SVEP1: variants seen among roughly 807,000 people sequenced by gnomAD.
The protein encoded by SVEP1 is sushi, von Willebrand factor type A, EGF and pentraxin domain containing 1.
In SVEP1, 164 loss-of-function variants were observed where a neutral mutation model predicts 367.3. The ratio of observed to expected loss-of-function variants is 0.45; its 90% CI spans 0.39 to 0.51. SVEP1 has a LOEUF of 0.51. SVEP1 is among the 20% of genes least tolerant of loss of function. SVEP1 has a pLI of 0.00. For synonymous variants in SVEP1, 1,666 were observed against 1,611.6 expected, an observed-to-expected ratio of 1.03 and a Z score of -0.81; for missense variants, 4,117 against 4,425.3, an observed-to-expected ratio of 0.93 and a Z score of 1.98.
chr9:110,377,385 G>A lies in SVEP1; in HGVS notation c.10409-19C>T. 1 of 1,609,834 alleles carries A rather than the reference G, an allele frequency of 6.2e-7. No individual in the cohort carries two copies. The highest frequency in any genetic ancestry group is 8.5e-7 in the Non-Finnish European group (1 of 1,176,286). On this transcript the variant is annotated intron_variant, in intron 44 of 47. Coordinates refer to ENST00000374469, the MANE Select transcript of SVEP1 (RefSeq NM_153366.4). Reference sequence around the variant, plus strand: ...CAGACAGCTGGAAAAGAAGCAGGATGGGTCACAAATGTAGGGAATTATGAA... The same window carrying A: ...CAGACAGCTGGAAAAGAAGCAGGATAGGTCACAAATGTAGGGAATTATGAA...
chr9:110,499,010 G>T (rs1163816322), intron 7 of SVEP1, 31 bp downstream of exon 7: 3 of 1,584,082 alleles, frequency 1.9e-6, no homozygotes, highest in South Asian at 2.3e-5. Context: ...TAAAAAATTT[G>T]ATTTTTAGCC....
rs779654262 is a variant in SVEP1, at chr9:110,579,356, C to G, written c.188G>C (p.Arg63Pro). The G allele has an allele frequency of 6.4e-7, 1 of 1,555,700 alleles. No homozygotes were observed. The highest frequency in any genetic ancestry group is 1.9e-5 in the Admixed American group (1 of 51,678). Residue 63 changes from arginine (R) to proline (P), a missense_variant, in exon 1 of 48, where the codon CGG (arginine) becomes CCG (proline). Arg to Pro is a moderately radical substitution (Grantham distance 103, BLOSUM62 -2). Transcript: ENST00000374469. The surrounding 1 kb of genome is among the most constrained non-coding windows in gnomAD (Gnocchi z 5.3). The part of the protein sequence containing the change: ...GDEAAGSRVE[R>P]LGQAFRRRVR... ...GCGTCGCCGGAACGCCTGGCCCAGC[C>G]GCTCCACTCTGCTCCCCGCCGCTTC...
intron 3 of SVEP1, among the ~76,000 whole-genome samples, chr9:110,531,395 G>A (rs1830016611): frequency 6.6e-6 from 1 of 152,146 alleles, no homozygotes; most frequent in South Asian, 2.1e-4. Flanking sequence ...TCATGGGAAG[G>A]ACCCAGAGGA....
At chr9:110,559,520 T>C (rs868466369) in intron 1 of SVEP1, among the ~76,000 whole-genome samples, 2 of 151,924 alleles carry the variant, frequency 1.3e-5, no homozygotes, top group South Asian at 4.1e-4. Flanking sequence ...ATAGTAACAC[T>C]GTTTTTTTTT....
At chr9:110,427,302 CAAAAAAAAAAAA>C (rs61616981) in intron 36 of SVEP1, among the ~76,000 whole-genome samples, 1 of 81,936 alleles carries the variant, frequency 1.2e-5, no homozygotes, top group Non-Finnish European at 2.3e-5. Context: ...GACTCTGTCT[CAAAAAAAAAAAA>C]AAAAAAAAAA....
intron 36 of SVEP1, among the ~76,000 whole-genome samples, chr9:110,423,492 G>A (rs1209126510): frequency 6.6e-6 from 1 of 152,138 alleles, no homozygotes; most frequent in Non-Finnish European, 1.5e-5. Flanking sequence ...GGTACATAGT[G>A]ATAAGACATT....
intron 22 of SVEP1, among the ~76,000 whole-genome samples, chr9:110,454,570 A>G (rs922757810): frequency 2.0e-5 from 3 of 152,232 alleles, no homozygotes; most frequent in Non-Finnish European, 4.4e-5. Flanking sequence ...GTGCCCATCA[A>G]TGGTGGATTA....
In SVEP1 at chr9:110,579,500, A is replaced by G. The variant is rs768965137; in HGVS notation, c.44T>C (p.Val15Ala). ...LAFCCWGLAL[V>A]SGWATFQQMS... ...CTGCTGAAAGGTCGCCCAGCCCGAA[A>G]CGAGCGCCAGACCCCAGCAACAAAA... The change falls in exon 1 of 48, where the codon GTT becomes GCT. Residue 15 changes from valine to alanine, a missense_variant. Physicochemically the swap from Val to Ala is moderately conservative, Grantham distance 64. Coordinates refer to ENST00000374469, the MANE Select transcript of SVEP1 (RefSeq NM_153366.4). This position sits in a 1 kb window ranked among gnomAD's most constrained non-coding sequence, Gnocchi z 5.3. 2.5e-6 allele frequency: 4 copies of G among 1,605,460 alleles called. No homozygotes were observed. The Middle Eastern group carries it at 5.0e-4, about 199-fold the overall frequency.
rs114870366 is a variant in SVEP1, at chr9:110,559,399, A to T, written c.532-9295T>A. On this transcript the variant is annotated intron_variant, in intron 1 of 47. Coordinates refer to ENST00000374469, the MANE Select transcript of SVEP1 (RefSeq NM_153366.4). ...AAAAGAGAAAAAATAACAGAAATAC[A>T]GTTGAGCATTTTTGACCAAACAAAA... 4.6e-3 allele frequency among the ~76,000 whole-genome samples: 693 copies of T among 152,238 alleles called. 5 individuals are homozygous for T. Among genetic ancestry groups the T allele is most frequent in the African/African-American group, 0.015 (643 of 41,580 alleles).
chr9:110,430,459 A>G lies in SVEP1; in HGVS notation c.5354-9T>C, dbSNP rs779173863. 1 of 1,603,178 alleles carries G rather than the reference A, an allele frequency of 6.2e-7. No individual in the cohort carries two copies. Among genetic ancestry groups the G allele is most frequent in the Admixed American group, 1.7e-5 (1 of 58,408 alleles). Reference sequence around the variant, plus strand: ...CTTACATTTTATAGGTTCTAGAAACAGACAGTTTTGGTGGAATAATAAGTG... The same window carrying G: ...CTTACATTTTATAGGTTCTAGAAACGGACAGTTTTGGTGGAATAATAAGTG... On this transcript the variant is annotated splice_polypyrimidine_tract_variant and intron_variant, in intron 32 of 47. Transcript: ENST00000374469.
chr9:110,499,779 G>T (rs1829504487), intron 6 of SVEP1, among the ~76,000 whole-genome samples: 1 of 152,222 alleles, frequency 6.6e-6, no homozygotes, highest in Non-Finnish European at 1.5e-5. Context: ...GAATGCAGAT[G>T]GAATGGAAAA....
chr9:110,481,363 G>A lies in SVEP1; in HGVS notation c.2244C>T (p.Asn748=). The A allele has an allele frequency of 1.2e-6, 2 of 1,610,866 alleles. No individual in the cohort carries two copies. The highest frequency in any genetic ancestry group is 8.5e-7 in the Non-Finnish European group (1 of 1,178,454). ...FICTPDNTGV[N]CTLTCLEGYD... ...AGCCCTCCAAGCAAGTTAATGTACAGTTGACTCCAGTATTATCTGGAGTGC... is the reference window on the plus strand; with the variant it reads ...AGCCCTCCAAGCAAGTTAATGTACAATTGACTCCAGTATTATCTGGAGTGC... Residue 748 remains asparagine (N), a synonymous_variant, in exon 12 of 48, where the codon AAC becomes AAT. Transcript: ENST00000374469.
intron 16 of SVEP1, among the ~76,000 whole-genome samples, 184 bp downstream of exon 16, chr9:110,471,180 G>A (rs189206056): frequency 3.3e-5 from 5 of 152,260 alleles, no homozygotes; most frequent in African/African-American, 1.2e-4. Flanking sequence ...CCCTGAACTA[G>A]ATTTCCTGTC....
chr9:110,578,523 C>G (rs758232716), intron 1 of SVEP1, among the ~76,000 whole-genome samples: 1 of 152,082 alleles, frequency 6.6e-6, no homozygotes, highest in African/African-American at 2.4e-5. Context: ...GTCCGACATC[C>G]CAAACTGACT....
rs894210105 is a variant in SVEP1 at position 110,533,331 on chromosome 9, C to T, written c.964+12784G>A. 1.3e-4 allele frequency among the ~76,000 whole-genome samples: 20 copies of T among 152,314 alleles called. 1 individual carries two copies. Among genetic ancestry groups the T allele is most frequent in the Admixed American group, 3.9e-4 (6 of 15,288 alleles). The stretch of plus-strand genomic sequence containing the variant: ...TATTCACATCTTATTTAATGTTTCT[C>T]ACGAGCCTACTATTATTAACCACAT... On this transcript the variant is annotated intron_variant, in intron 3 of 47. Transcript: ENST00000374469.
intron 3 of SVEP1, among the ~76,000 whole-genome samples, chr9:110,515,847 T>C (rs1007813286): frequency 1.3e-5 from 2 of 152,140 alleles, no homozygotes; most frequent in African/African-American, 4.8e-5. Flanking sequence ...GACTGTTCTA[T>C]ATATTTTATA....
rs201923327 is a variant in SVEP1, at chr9:110,503,024, T to C, written c.1483+14A>G. The C allele has an allele frequency of 2.3e-4, 373 of 1,605,946 alleles. 1 individual carries two copies. The East Asian group carries it at 7.6e-3, about 33-fold the overall frequency. On this transcript the variant is annotated intron_variant, in intron 6 of 47. Coordinates refer to ENST00000374469, the MANE Select transcript of SVEP1 (RefSeq NM_153366.4). ...AATGAATCACTCAAGGCATTACACCTTCTAGAAACTTACCCACACACCGGG... is the reference window on the plus strand; with the variant it reads ...AATGAATCACTCAAGGCATTACACCCTCTAGAAACTTACCCACACACCGGG...
At chr9:110,508,001 CAT>C (rs1025948873) in intron 5 of SVEP1, among the ~76,000 whole-genome samples, 3 of 152,180 alleles carry the variant, frequency 2.0e-5, no homozygotes, top group African/African-American at 7.2e-5. Context: ...GAAAACAAAA[CAT>C]ATGCAATAAT....
intron 1 of SVEP1, among the ~76,000 whole-genome samples, chr9:110,574,682 A>G (rs1421578993): frequency 6.6e-6 from 1 of 152,016 alleles, no homozygotes; most frequent in Non-Finnish European, 1.5e-5. Flanking sequence ...GAGGCTTGGA[A>G]AAGTTACAAT....
Sources: gnomAD v4.1 joint callset for allele counts (sites outside exome capture counted in the v4.1 genomes callset) on GRCh38, gnomAD v4.1.1 for gene constraint, Gnocchi (gnomAD v3.1) non-coding constraint, MANE v1.5 for transcripts, NCBI Gene and HGNC (gene_info 2026-07-23, HGNC 2026-07-21) for gene names.